The following SYN3 variants were observed in gnomAD, a reference collection of about 807,000 sequenced individuals.
SYN3 encodes synapsin-3.
A neutral mutation model predicts 65.8 loss-of-function variants in SYN3; 35 were observed. The ratio of observed to expected loss-of-function variants is 0.53; its 90% CI spans 0.41 to 0.70. The LOEUF (loss-of-function observed/expected upper bound fraction) is 0.70, where lower values mean the gene tolerates loss of function less well. Among genes scored for constraint, SYN3 ranks in the 30% least tolerant of loss-of-function variants. The probability of loss-of-function intolerance (pLI) is 0.00; values close to 1 mark genes in which losing one functional copy is unlikely to be tolerated. For missense variants in SYN3, 680 were observed against 749.0 expected, an observed-to-expected ratio of 0.91 and a Z score of 1.08; for synonymous variants, 270 against 292.9, an observed-to-expected ratio of 0.92 and a Z score of 0.80.
chr22:33,006,670 G>A lies in SYN3; in HGVS notation c.-8C>T. On this transcript the variant is annotated 5_prime_UTR_variant, in exon 2 of 14. Coordinates refer to ENST00000358763, the MANE Select transcript of SYN3 (RefSeq NM_003490.4). ...TCGCCGGAGGAAATTCATGGCTGTGGATGGATGGAGATGACTGGCTCCTAC... is the reference window on the plus strand; with the variant it reads ...TCGCCGGAGGAAATTCATGGCTGTGAATGGATGGAGATGACTGGCTCCTAC... The A allele has an allele frequency of 6.4e-7, 1 of 1,561,314 alleles. No homozygotes were observed. The highest frequency in any genetic ancestry group is 8.7e-7 in the Non-Finnish European group (1 of 1,153,118).
At chr22:32,744,818 C>T (rs1359702598) in intron 6 of SYN3, among the ~76,000 whole-genome samples, 1 of 152,150 alleles carries the variant, frequency 6.6e-6, no homozygotes, top group Non-Finnish European at 1.5e-5. Flanking sequence ...GCCCACGCAG[C>T]AGGGTGGTCT....
At chr22:32,649,262 T>G (rs1320526041) in intron 6 of SYN3, among the ~76,000 whole-genome samples, 3 of 152,242 alleles carry the variant, frequency 2.0e-5, no homozygotes, top group African/African-American at 7.2e-5. Context: ...GCTAGCTTGC[T>G]GGTCCACTCA....
chr22:33,028,707 TGGTGGTGGG>T (rs2053691346), intron 1 of SYN3, among the ~76,000 whole-genome samples: 9 of 142,606 alleles, frequency 6.3e-5, no homozygotes, highest in South Asian at 2.2e-4. Context: ...GTGGTGGTGG[TGGTGGTGGG>T]GTTGCTACCA....
intron 6 of SYN3, among the ~76,000 whole-genome samples, chr22:32,713,311 A>G (rs185983920): frequency 1.4e-4 from 22 of 152,330 alleles, no homozygotes; most frequent in Admixed American, 1.1e-3. Flanking sequence ...TAGGCTTTGT[A>G]GAAACTGTTT....
intron 6 of SYN3, chr22:32,862,692 C>T (rs1160267013): frequency 1.3e-5 from 2 of 152,438 alleles, no homozygotes; most frequent in Non-Finnish European, 2.9e-5. Context: ...GATGTGACAA[C>T]AACTTCCAAA....
intron 6 of SYN3, among the ~76,000 whole-genome samples, chr22:32,805,477 T>G (rs777460305): frequency 2.0e-5 from 3 of 152,146 alleles, no homozygotes; most frequent in Non-Finnish European, 4.4e-5. Context: ...GCGCCAGCAC[T>G]TGGTAGGGCA....
Position 32,931,656 on chromosome 22 carries a change from C to G in SYN3, c.370-175G>C, listed in dbSNP as rs536978903. Among the ~76,000 whole-genome samples, 6 of 152,312 alleles carry G rather than the reference C, an allele frequency of 3.9e-5. No individual in the cohort carries two copies. In the East Asian group the frequency reaches 7.7e-4, roughly 20 times the overall value. On this transcript the variant is annotated intron_variant, in intron 3 of 13. Coordinates refer to ENST00000358763, the MANE Select transcript of SYN3 (RefSeq NM_003490.4). The stretch of plus-strand genomic sequence containing the variant: ...TTTGAAAGATGAGGAAGCTGAGGCT[C>G]TAAGAGGCCTGGTGGCATGTCCAAG...
At chr22:32,763,750 T>G (rs933885977) in intron 6 of SYN3, among the ~76,000 whole-genome samples, 3 of 152,026 alleles carry the variant, frequency 2.0e-5, no homozygotes, top group Middle Eastern at 3.2e-3. Flanking sequence ...TTTGTTTTGT[T>G]TTTTCACTTC....
chr22:32,587,643 A>T lies in SYN3; in HGVS notation c.774+9031T>A, dbSNP rs2059068516. Among the ~76,000 whole-genome samples, 9 of 152,296 alleles carry T rather than the reference A, an allele frequency of 5.9e-5. 1 individual carries two copies. In the South Asian group the frequency reaches 1.9e-3, roughly 32 times the overall value. On this transcript the variant is annotated intron_variant, in intron 7 of 13. Coordinates refer to ENST00000358763, the MANE Select transcript of SYN3 (RefSeq NM_003490.4). ...CTCCAAAGGCCGACCAGGCCCGGAA[A>T]GCTCATAAAGTGAGTCAGCCTAAGA...
At chr22:33,039,289 C>T (rs906933202) in intron 1 of SYN3, among the ~76,000 whole-genome samples, 30 of 152,058 alleles carry the variant, frequency 2.0e-4, no homozygotes, top group African/African-American at 7.2e-4. Context: ...GCTACTATGC[C>T]ATGATGCCTC....
chr22:32,717,775 G>C (rs141802863), intron 6 of SYN3, among the ~76,000 whole-genome samples: 1 of 152,098 alleles, frequency 6.6e-6, no homozygotes, highest in South Asian at 2.1e-4. Flanking sequence ...GAGTCAGACT[G>C]CTGGAGTCTG....
intron 2 of SYN3, among the ~76,000 whole-genome samples, chr22:32,985,826 C>T (rs2052509530): frequency 6.6e-6 from 1 of 152,016 alleles, no homozygotes; most frequent in African/African-American, 2.4e-5. Flanking sequence ...AGGCCTTCAC[C>T]TCTGCTTGGC....
chr22:32,629,453 A>G (rs1389875820), intron 6 of SYN3, among the ~76,000 whole-genome samples: 1 of 152,210 alleles, frequency 6.6e-6, no homozygotes, highest in African/African-American at 2.4e-5. Context: ...GAGCAGTTGA[A>G]CCTAATGATG....
chr22:33,021,003 A>T (rs2053550699), intron 1 of SYN3, among the ~76,000 whole-genome samples: 1 of 152,230 alleles, frequency 6.6e-6, no homozygotes, highest in Admixed American at 6.5e-5. Context: ...GGCACATGGT[A>T]AACAATCTGT....
At chr22:32,881,134 A>G (rs991511827) in intron 4 of SYN3, among the ~76,000 whole-genome samples, 2 of 152,218 alleles carry the variant, frequency 1.3e-5, no homozygotes, top group African/African-American at 4.8e-5. Flanking sequence ...AACATTATTC[A>G]TCGGAGAGAT....
At chr22:32,643,551 G>GT (rs1364661430) in intron 6 of SYN3, among the ~76,000 whole-genome samples, 1 of 127,078 alleles carries the variant, frequency 7.9e-6, no homozygotes, top group African/African-American at 3.1e-5. Context: ...AGAAATGGTG[G>GT]GGGGGCGGGG....
intron 6 of SYN3, among the ~76,000 whole-genome samples, chr22:32,857,666 C>T (rs1043633007): frequency 5.9e-5 from 9 of 152,084 alleles, no homozygotes; most frequent in Non-Finnish European, 7.3e-5. Flanking sequence ...CCTGTTAGGC[C>T]CGTCTTTGAA....
At chr22:33,028,578 G>C (rs780288000) in intron 1 of SYN3, among the ~76,000 whole-genome samples, 1 of 151,516 alleles carries the variant, frequency 6.6e-6, no homozygotes, top group Non-Finnish European at 1.5e-5. Flanking sequence ...TTGCTGGGCA[G>C]AGGAAGGGAT....
chr22:32,989,877 T>C (rs962254470), intron 2 of SYN3, among the ~76,000 whole-genome samples: 19 of 141,292 alleles, frequency 1.3e-4, no homozygotes, highest in Admixed American at 1.3e-3. Flanking sequence ...CCACTCCCTC[T>C]ACCCCTCTCC....
Sources: gnomAD v4.1 joint callset for allele counts (sites outside exome capture counted in the v4.1 genomes callset) on GRCh38, gnomAD v4.1.1 for gene constraint, MANE v1.5 for transcripts, NCBI Gene and HGNC (gene_info 2026-07-23, HGNC 2026-07-21) for gene names.